TOGARAM1: variants seen among roughly 807,000 people sequenced by gnomAD.
The protein encoded by TOGARAM1 is TOG array regulator of axonemal microtubules 1.
Under a neutral mutation model 166.6 loss-of-function variants are expected in TOGARAM1, and 100 were observed. The ratio of observed to expected loss-of-function variants is 0.60; its 90% CI spans 0.51 to 0.71. TOGARAM1 has a LOEUF of 0.71. TOGARAM1 is among the 30% of genes least tolerant of loss of function. The pLI is 0.00. For missense variants in TOGARAM1, 2,029 were observed against 2,102.7 expected (o/e 0.96, Z 0.69); for synonymous variants, 758 against 763.8 (o/e 0.99, Z 0.13).
chr14:45,006,165 CA>C lies in TOGARAM1; in HGVS notation c.2807del (p.Lys936ArgfsTer22), dbSNP rs1566627755. 1 of 1,613,762 alleles carries C rather than the reference CA, an allele frequency of 6.2e-7. No homozygotes were observed. Among genetic ancestry groups the C allele is most frequent in the Non-Finnish European group, 8.5e-7 (1 of 1,179,896 alleles). On this transcript the variant is annotated frameshift_variant, in exon 5 of 20. Transcript: ENST00000361462. LOFTEE classifies it high-confidence loss of function. The part of the protein sequence containing the change: ...DKADLSTVGH[K>X]KKEPDDIWKC... The stretch of plus-strand genomic sequence containing the variant: ...AAGCTGATTTAAGCACAGTGGGACA[CA>C]AAAAGAAAGAGCCTGATGATATTTG...
chr14:44,966,209 C>T (rs948107316), intron 1 of TOGARAM1, among the ~76,000 whole-genome samples: 10 of 151,816 alleles, frequency 6.6e-5, no homozygotes, highest in Non-Finnish European at 1.2e-4. Flanking sequence ...GGGTGGCTCA[C>T]ACCTGTAATG....
intron 2 of TOGARAM1, chr14:44,996,155 GC>G (rs1887403086): frequency 4.5e-6 from 1 of 223,920 alleles, no homozygotes; most frequent in Non-Finnish European, 8.6e-6. Flanking sequence ...TTATTAAGGT[GC>G]TTTTCTAAGT....
chr14:44,967,424 T>C (rs928997043), intron 1 of TOGARAM1, among the ~76,000 whole-genome samples: 2 of 152,172 alleles, frequency 1.3e-5, no homozygotes, highest in African/African-American at 4.8e-5. Context: ...AAGTTTAAGA[T>C]TTCGTTACAG....
At chr14:45,071,680 T>C (rs1401935485) in intron 18 of TOGARAM1, 32 bp from the exon 19 acceptor site, 3 of 1,498,626 alleles carry the variant, frequency 2.0e-6, no homozygotes, top group Admixed American at 3.7e-5. Context: ...CATTACTCTT[T>C]AAACATGTGT....
At chr14:45,048,637 G>A (rs773883162) in intron 14 of TOGARAM1, among the ~76,000 whole-genome samples, 2 of 152,164 alleles carry the variant, frequency 1.3e-5, no homozygotes, top group Non-Finnish European at 2.9e-5. Flanking sequence ...CAAAATCAGG[G>A]TGATAGCAGT....
chr14:45,071,043 T>A (rs1240530427), intron 18 of TOGARAM1, among the ~76,000 whole-genome samples: 3 of 152,082 alleles, frequency 2.0e-5, no homozygotes, highest in East Asian at 3.9e-4. Flanking sequence ...TGCCTCAGCC[T>A]CCCAAGTAGC....
intron 3 of TOGARAM1, 79 bp from the exon 4 acceptor site, chr14:45,003,982 G>GAAAAGCA (rs1397968050): frequency 8.1e-7 from 1 of 1,239,922 alleles, no homozygotes; most frequent in African/African-American, 1.6e-5. Flanking sequence ...ACCTGAATGG[G>GAAAAGCA]AAAAGCAAAA....
At chr14:45,021,305 T>A (rs936241316) in intron 7 of TOGARAM1, among the ~76,000 whole-genome samples, 1 of 151,688 alleles carries the variant, frequency 6.6e-6, no homozygotes, top group Non-Finnish European at 1.5e-5. Flanking sequence ...CATATGGGTA[T>A]GGGGCAGTGA....
intron 16 of TOGARAM1, among the ~76,000 whole-genome samples, chr14:45,065,085 G>A (rs1164081682): frequency 2.0e-5 from 3 of 151,860 alleles, no homozygotes; most frequent in African/African-American, 7.3e-5. Context: ...CTTACATTGA[G>A]CTTACTTGCA....
At chr14:44,977,231 C>CTTTTTTTTTTTTTTTTTTTTTTTTTT (rs397707333) in intron 1 of TOGARAM1, among the ~76,000 whole-genome samples, 1 of 123,320 alleles carries the variant, frequency 8.1e-6, no homozygotes, top group African/African-American at 3.0e-5. Context: ...ATTAGACAGA[C>CTTTTTTTTTTTTTTTTTTTTTTTTTT]TTTTTTTTTT....
At chr14:45,039,577 G>A (rs916704046) in intron 11 of TOGARAM1, among the ~76,000 whole-genome samples, 18 of 152,132 alleles carry the variant, frequency 1.2e-4, no homozygotes, top group African/African-American at 4.3e-4. Context: ...AGTCCAGAGG[G>A]GACCATGTCA....
intron 1 of TOGARAM1, among the ~76,000 whole-genome samples, chr14:44,982,980 A>C (rs369990711): frequency 1.3e-5 from 2 of 152,222 alleles, no homozygotes; most frequent in South Asian, 2.1e-4. Context: ...TGACAGTGAA[A>C]GAAAAGACCA....
At chr14:45,045,579 ATATATGTGTGTGTGTGTGTGTGTGTGTG>A (rs1233042326) in intron 13 of TOGARAM1, among the ~76,000 whole-genome samples, 20 of 34,976 alleles carry the variant, frequency 5.7e-4, no homozygotes, top group African/African-American at 4.1e-3. Flanking sequence ...ATATATATAT[ATATATGTGTGTGTGTGTGTGTGTGTGTG>A]TGTGTGTGTG....
At chr14:44,967,063 A>G (rs1017209516) in intron 1 of TOGARAM1, among the ~76,000 whole-genome samples, 2 of 151,968 alleles carry the variant, frequency 1.3e-5, no homozygotes, top group Non-Finnish European at 2.9e-5. Context: ...AAGTCCTAGT[A>G]CTGCCTTTTT....
intron 1 of TOGARAM1, among the ~76,000 whole-genome samples, chr14:44,965,477 G>A (rs528020779): frequency 2.6e-5 from 4 of 152,038 alleles, no homozygotes; most frequent in African/African-American, 9.6e-5. Flanking sequence ...AAAGAGTTTG[G>A]GGTAGTTTTG....
chr14:45,050,611 C>T (rs1332509383), intron 14 of TOGARAM1, among the ~76,000 whole-genome samples: 2 of 151,592 alleles, frequency 1.3e-5, no homozygotes, highest in African/African-American at 4.9e-5. Flanking sequence ...CCACAAAAGC[C>T]TGCCTTTTTC....
intron 1 of TOGARAM1, among the ~76,000 whole-genome samples, chr14:44,980,643 T>A (rs1294236506): frequency 6.6e-6 from 1 of 152,148 alleles, no homozygotes; most frequent in Non-Finnish European, 1.5e-5. Flanking sequence ...ATGGTGCCAC[T>A]GCACTCCAGC....
chr14:44,979,172 TTAA>T (rs144833686), intron 1 of TOGARAM1, among the ~76,000 whole-genome samples: 3 of 151,452 alleles, frequency 2.0e-5, no homozygotes, highest in Admixed American at 6.6e-5. Context: ...TAAGTCACCA[TTAA>T]TAATAATAAT....
chr14:44,982,341 A>G (rs1368339392), intron 1 of TOGARAM1, among the ~76,000 whole-genome samples: 2 of 152,146 alleles, frequency 1.3e-5, no homozygotes, highest in Non-Finnish European at 2.9e-5. Context: ...GATTACTATG[A>G]TATTTCAAGT....
Sources: allele counts gnomAD v4.1 joint callset (sites outside exome capture counted in the v4.1 genomes callset), GRCh38; gene constraint gnomAD v4.1.1; transcripts MANE v1.5; gene names NCBI Gene and HGNC (gene_info 2026-07-23, HGNC 2026-07-21).